Variants in REV1 observed in about 807,000 individuals in gnomAD.
REV1 encodes the protein REV1 DNA directed polymerase.
Under a neutral mutation model 137.4 loss-of-function variants are expected in REV1, and 42 were observed. The observed-to-expected ratio is 0.31, with a 90% CI of 0.24 to 0.40. REV1 has a LOEUF of 0.40. REV1 is among the 10% of genes least tolerant of loss of function. The probability of loss-of-function intolerance (pLI) is 1.00; values close to 1 mark genes in which losing one functional copy is unlikely to be tolerated. For synonymous variants in REV1, 524 were observed against 519.2 expected, an observed-to-expected ratio of 1.01 and a Z score of -0.12; for missense variants, 1,282 against 1,490.1, an observed-to-expected ratio of 0.86 and a Z score of 2.30.
At chr2:99,441,398 T>C (rs1034682804) in intron 5 of REV1, among the ~76,000 whole-genome samples, 7 of 151,830 alleles carry the variant, frequency 4.6e-5, no homozygotes, top group Non-Finnish European at 5.9e-5. Flanking sequence ...CCACCTGATA[T>C]ACAAGGTAAG....
chr2:99,427,935 A>C (rs999515064), intron 9 of REV1, among the ~76,000 whole-genome samples: 1 of 152,114 alleles, frequency 6.6e-6, no homozygotes, highest in African/African-American at 2.4e-5. Flanking sequence ...TATAAAGGTA[A>C]ATTTATATTT....
chr2:99,433,898 T>G (rs28382898), intron 8 of REV1, among the ~76,000 whole-genome samples: 3 of 152,196 alleles, frequency 2.0e-5, no homozygotes, highest in African/African-American at 7.2e-5. Context: ...ACAGGTTCAC[T>G]AAAGCATATG....
chr2:99,453,470 C>G (rs1683151102), intron 3 of REV1, among the ~76,000 whole-genome samples: 1 of 152,232 alleles, frequency 6.6e-6, no homozygotes, highest in Non-Finnish European at 1.5e-5. Flanking sequence ...AAGCTGCTCT[C>G]TATTCACACA....
intron 3 of REV1, chr2:99,451,616 T>C (rs1682931068): frequency 1.9e-5 from 10 of 520,520 alleles, no homozygotes; most frequent in South Asian, 1.7e-4. Flanking sequence ...TTCTTTAGGC[T>C]TTCTCCTCTT....
In REV1 at chr2:99,484,043, C is replaced by T. The variant is rs182988738; in HGVS notation, c.-11+5774G>A. On this transcript the variant is annotated intron_variant, in intron 1 of 22. Transcript: ENST00000258428. ...TTAAAATTTATGTAAAAACATCCCA[C>T]CTATGTGTTCCTCCTTATTGAAGGA... Among the ~76,000 whole-genome samples the T allele has an allele frequency of 2.8e-4, 42 of 152,300 alleles. 1 individual carries two copies. Among genetic ancestry groups the T allele is most frequent in the Admixed American group, 1.5e-3 (23 of 15,292 alleles).
At chr2:99,476,598 C>T (rs1401192358) in intron 1 of REV1, among the ~76,000 whole-genome samples, 3 of 152,056 alleles carry the variant, frequency 2.0e-5, no homozygotes, top group Non-Finnish European at 2.9e-5. Flanking sequence ...CTGTTAAGTG[C>T]TTTTGTTTAC....
intron 1 of REV1, among the ~76,000 whole-genome samples, chr2:99,488,777 T>A (rs1687363173): frequency 6.6e-6 from 1 of 152,148 alleles, no homozygotes; most frequent in Non-Finnish European, 1.5e-5. Context: ...CTACCCTACC[T>A]AAACAGGAAA....
chr2:99,414,778 C>T (rs1200447398), intron 12 of REV1, among the ~76,000 whole-genome samples: 1 of 152,194 alleles, frequency 6.6e-6, no homozygotes, highest in African/African-American at 2.4e-5. Context: ...CGTTACAGTT[C>T]TGGGGAACAA....
chr2:99,461,928 G>T (rs1460972056), intron 3 of REV1, among the ~76,000 whole-genome samples: 1 of 152,078 alleles, frequency 6.6e-6, no homozygotes, highest in Admixed American at 6.6e-5. Context: ...TCCAGATACC[G>T]GACTCAATGA....
chr2:99,486,469 C>T (rs1346942482), intron 1 of REV1, among the ~76,000 whole-genome samples: 1 of 151,436 alleles, frequency 6.6e-6, no homozygotes, highest in African/African-American at 2.4e-5. Context: ...GTGGAGCTTG[C>T]AGTGAGCCAA....
At position 99,409,566 on chromosome 2, in the gene REV1, G is replaced by A. The variant is rs145929438; in HGVS notation, c.2345+1129C>T. ...ACATAAAAGACGAGTGTTTCAGACC[G>A]GGCACATTGGCTCATGCCTGTAATC... On this transcript the variant is annotated intron_variant, in intron 14 of 22. Coordinates refer to ENST00000258428, the MANE Select transcript of REV1 (RefSeq NM_016316.4). Among the ~76,000 whole-genome samples the A allele has an allele frequency of 3.1e-3, 468 of 152,218 alleles. 3 individuals are homozygous for A. The highest frequency in any genetic ancestry group is 0.011 in the African/African-American group (452 of 41,534).
intron 3 of REV1, among the ~76,000 whole-genome samples, chr2:99,454,239 A>AAAAAAC (rs796242559): frequency 5.9e-5 from 9 of 151,950 alleles, no homozygotes; most frequent in Admixed American, 2.6e-4. Context: ...AAAATCCACA[A>AAAAAAC]AAAAACAAAA....
At chr2:99,405,817 A>G in intron 17 of REV1, 93 bp downstream of exon 17, 1 of 914,292 alleles carries the variant, frequency 1.1e-6, no homozygotes, top group Admixed American at 3.3e-5. Context: ...CGGATGAAGA[A>G]ATAAAAATGC....
chr2:99,420,970 C>T (rs1678581200), intron 11 of REV1, among the ~76,000 whole-genome samples: 1 of 152,008 alleles, frequency 6.6e-6, no homozygotes, highest in South Asian at 2.1e-4. Context: ...GAAGAATCAA[C>T]AAAAAAGCAG....
chr2:99,436,054 TC>T, intron 6 of REV1, 113 bp from the exon 7 acceptor site: 1 of 683,776 alleles, frequency 1.5e-6, no homozygotes, highest in Non-Finnish European at 2.5e-6. Flanking sequence ...CAGAATGGAG[TC>T]TTTTTAAAAA....
At chr2:99,456,262 G>C (rs1168945512) in intron 3 of REV1, among the ~76,000 whole-genome samples, 2 of 152,182 alleles carry the variant, frequency 1.3e-5, no homozygotes, top group African/African-American at 4.8e-5. Context: ...TCTACAATGT[G>C]CCAGGCAAGG....
In REV1 at chr2:99,421,579, T is replaced by C. The variant is rs372122844; in HGVS notation, c.1751A>G (p.Lys584Arg). Reference sequence around the variant, plus strand: ...ATTTGCAAATTCATCAGGAGTAAGTTTGGTCTCTGCAAGGATTTCGGTAAT... The same window carrying C: ...ATTTGCAAATTCATCAGGAGTAAGTCTGGTCTCTGCAAGGATTTCGGTAAT... ...VDITEILAET[K>R]LTPDEFANAV... The change falls in exon 11 of 23, where the codon AAA (lysine) becomes AGA (arginine). Residue 584 changes from lysine to arginine, a missense_variant. Transcript: ENST00000258428. The C allele has an allele frequency of 1.9e-6, 3 of 1,614,114 alleles. No individual in the cohort carries two copies. The highest frequency in any genetic ancestry group is 1.7e-5 in the Admixed American group (1 of 60,006).
chr2:99,429,546 T>C (rs928822238), intron 9 of REV1, among the ~76,000 whole-genome samples: 1 of 152,150 alleles, frequency 6.6e-6, no homozygotes, highest in Non-Finnish European at 1.5e-5. Flanking sequence ...TAAAAAAAAA[T>C]CTAATTCTTT....
chr2:99,419,019 T>C, intron 11 of REV1, 72 bp from the exon 12 acceptor site: 2 of 1,218,018 alleles, frequency 1.6e-6, no homozygotes, highest in African/African-American at 1.5e-5. Flanking sequence ...GATCTCTTCA[T>C]ACAGGTTATC....
Sources: allele counts gnomAD v4.1 joint callset (sites outside exome capture counted in the v4.1 genomes callset), GRCh38; gene constraint gnomAD v4.1.1; transcripts MANE v1.5; gene names NCBI Gene and HGNC (gene_info 2026-07-23, HGNC 2026-07-21).